CAMTA1: variants seen among roughly 807,000 people sequenced by gnomAD.
The protein encoded by CAMTA1 is calmodulin-binding transcription activator 1.
A neutral mutation model predicts 170.9 loss-of-function variants in CAMTA1; 27 were observed. That is an observed-to-expected ratio of 0.16 (90% CI 0.12 to 0.22). The LOEUF (loss-of-function observed/expected upper bound fraction) is 0.22. CAMTA1 is among the 10% of genes least tolerant of loss of function. CAMTA1 has a pLI of 1.00. For synonymous variants in CAMTA1, 833 were observed against 891.5 expected, an observed-to-expected ratio of 0.93 and a Z score of 1.17; for missense variants, 1,619 against 2,217.2, an observed-to-expected ratio of 0.73 and a Z score of 5.42.
chr1:6,906,952 G>T (rs971555736), intron 3 of CAMTA1, among the ~76,000 whole-genome samples: 1 of 152,196 alleles, frequency 6.6e-6, no homozygotes, highest in Non-Finnish European at 1.5e-5. Flanking sequence ...GTAGAGGTGG[G>T]AGCTGTTGTC....
chr1:7,472,858 G>A (rs994735457), intron 6 of CAMTA1, among the ~76,000 whole-genome samples: 8 of 152,170 alleles, frequency 5.3e-5, no homozygotes, highest in African/African-American at 1.9e-4. Context: ...GTGGGGACTC[G>A]GGGCGGGGAC....
intron 1 of CAMTA1, among the ~76,000 whole-genome samples, chr1:6,786,538 C>G (rs1157588155): frequency 6.6e-6 from 1 of 152,202 alleles, no homozygotes; most frequent in African/African-American, 2.4e-5. Flanking sequence ...TGCCCATGTT[C>G]TTCTTTCCTC....
intron 6 of CAMTA1, among the ~76,000 whole-genome samples, chr1:7,573,586 C>T (rs2095151345): frequency 6.6e-6 from 1 of 152,198 alleles, no homozygotes; most frequent in African/African-American, 2.4e-5. Context: ...GAGCCTATGC[C>T]CGGCCTCCCC....
intron 3 of CAMTA1, among the ~76,000 whole-genome samples, chr1:6,949,894 C>T (rs781726484): frequency 6.6e-6 from 1 of 152,258 alleles, no homozygotes; most frequent in African/African-American, 2.4e-5. Flanking sequence ...TGCCAGCCTC[C>T]GGGATGCTGG....
chr1:7,015,252 G>C (rs574191894), intron 3 of CAMTA1, among the ~76,000 whole-genome samples: 1 of 152,254 alleles, frequency 6.6e-6, no homozygotes, highest in South Asian at 2.1e-4. Context: ...AGGCGCTAAT[G>C]ACCGGATTTC....
intron 3 of CAMTA1, among the ~76,000 whole-genome samples, chr1:6,831,920 TA>T (rs199837832): frequency 0.2 from 30,180 of 151,994 alleles, 3,522 homozygotes; most frequent in Non-Finnish European, 0.26. Context: ...ACTTGAGTAA[TA>T]ATTATAATGC....
At chr1:7,167,614 C>T (rs189717244) in intron 4 of CAMTA1, among the ~76,000 whole-genome samples, 61 of 152,030 alleles carry the variant, frequency 4.0e-4, no homozygotes, top group Admixed American at 1.2e-3. Context: ...ATGAACATTA[C>T]GGAAGATAAT....
At chr1:6,991,997 C>T (rs553299689) in intron 3 of CAMTA1, among the ~76,000 whole-genome samples, 15 of 152,036 alleles carry the variant, frequency 9.9e-5, no homozygotes, top group African/African-American at 1.9e-4. Context: ...CCACTGTGCC[C>T]GGCTTTTGTT....
intron 4 of CAMTA1, among the ~76,000 whole-genome samples, chr1:7,104,363 T>TAC (rs1052494369): frequency 2.3e-5 from 2 of 86,764 alleles, no homozygotes; most frequent in African/African-American, 4.7e-5. Context: ...AAATACTCAA[T>TAC]ACACATACAC....
intron 3 of CAMTA1, among the ~76,000 whole-genome samples, chr1:6,932,249 G>C (rs1337022263): frequency 6.6e-6 from 1 of 152,174 alleles, no homozygotes; most frequent in African/African-American, 2.4e-5. Flanking sequence ...AGCATTTCTA[G>C]GGTTTTATAT....
At chr1:7,008,296 A>G (rs1699299056) in intron 3 of CAMTA1, 1 of 152,448 alleles carries the variant, frequency 6.6e-6, no homozygotes, top group Non-Finnish European at 1.5e-5. Flanking sequence ...AGTGGTCACT[A>G]AAGGCACGAA....
intron 5 of CAMTA1, among the ~76,000 whole-genome samples, chr1:7,331,726 T>G (rs1190416455): frequency 6.6e-6 from 1 of 152,138 alleles, no homozygotes; most frequent in Non-Finnish European, 1.5e-5. Flanking sequence ...ACAGGTAACC[T>G]CATGCCTGGG....
chr1:6,959,205 A>G (rs571099668), intron 3 of CAMTA1, among the ~76,000 whole-genome samples: 1 of 152,274 alleles, frequency 6.6e-6, no homozygotes, highest in African/African-American at 2.4e-5. Flanking sequence ...GAAATCACAG[A>G]TTTGTACACA....
chr1:7,099,715 T>TC (rs1386530015), intron 4 of CAMTA1, among the ~76,000 whole-genome samples: 1 of 152,182 alleles, frequency 6.6e-6, no homozygotes, highest in Non-Finnish European at 1.5e-5. Context: ...CTACATTTTT[T>TC]CTCTGGAACC....
chr1:7,427,285 A>G (rs896171345), intron 5 of CAMTA1, among the ~76,000 whole-genome samples: 3 of 152,210 alleles, frequency 2.0e-5, no homozygotes, highest in South Asian at 2.1e-4. Context: ...ATTCCAGCAC[A>G]TTTAGTCACT....
rs373537373 is a variant in CAMTA1 at position 7,671,049 on chromosome 1, G to A, written c.2779+12G>A. ...CTGCTACTGCCCAGGTGAGAAAGCCGCCCCCCAGGCCCCCAAGGTGAGTGT... is the reference window on the plus strand; with the variant it reads ...CTGCTACTGCCCAGGTGAGAAAGCCACCCCCCAGGCCCCCAAGGTGAGTGT... On this transcript the variant is annotated intron_variant, in intron 10 of 22. Transcript: ENST00000303635. 2.9e-5 allele frequency: 46 copies of A among 1,611,880 alleles called. No individual in the cohort carries two copies. The highest frequency in any genetic ancestry group is 3.3e-4 in the Middle Eastern group (2 of 6,072).
chr1:7,207,294 T>C (rs1043242526), intron 4 of CAMTA1, among the ~76,000 whole-genome samples: 1 of 152,184 alleles, frequency 6.6e-6, no homozygotes, highest in East Asian at 1.9e-4. Context: ...TTAGGTGATA[T>C]CGCTGGATAA....
chr1:7,548,511 C>A (rs2094736798), intron 6 of CAMTA1, among the ~76,000 whole-genome samples: 1 of 141,076 alleles, frequency 7.1e-6, no homozygotes, highest in Non-Finnish European at 1.5e-5. Flanking sequence ...GGTGGAGGTG[C>A]TGGTGGAGGG....
chr1:7,075,343 A>G (rs1195884829), intron 3 of CAMTA1, among the ~76,000 whole-genome samples: 1 of 152,210 alleles, frequency 6.6e-6, no homozygotes, highest in Non-Finnish European at 1.5e-5. Flanking sequence ...TAATATCTGG[A>G]CAGAAGTTTC....
Sources: gnomAD v4.1 joint callset for allele counts (sites outside exome capture counted in the v4.1 genomes callset) on GRCh38, gnomAD v4.1.1 for gene constraint, MANE v1.5 for transcripts, NCBI Gene and HGNC (gene_info 2026-07-23, HGNC 2026-07-21) for gene names.